The following FBXO11 variants were observed in gnomAD, a reference collection of about 807,000 sequenced individuals.
The protein encoded by FBXO11 is F-box only protein 11.
FBXO11 carries 13 observed loss-of-function variants against 117.0 expected under a neutral mutation model. That is an observed-to-expected ratio of 0.11 (90% CI 0.07 to 0.18). The LOEUF is 0.18. Among genes scored for constraint, FBXO11 ranks in the 10% least tolerant of loss-of-function variants. The probability of loss-of-function intolerance (pLI) is 1.00; values close to 1 mark genes in which losing one functional copy is unlikely to be tolerated. For synonymous variants in FBXO11, 490 were observed against 380.5 expected, an observed-to-expected ratio of 1.29 and a Z score of -3.35; for missense variants, 767 against 1,164.4, an observed-to-expected ratio of 0.66 and a Z score of 4.97.
rs1254089708 is a variant in FBXO11, at chr2:47,808,113, G to A, written c.*5C>T. ...ATGGCAGGACTTTTTCTTTAGGGAAGGAATTCAGTTGTGCTGCAATGTATT... is the reference window on the plus strand; with the variant it reads ...ATGGCAGGACTTTTTCTTTAGGGAAAGAATTCAGTTGTGCTGCAATGTATT... On this transcript the variant is annotated 3_prime_UTR_variant, in exon 23 of 23. Transcript: ENST00000403359. 2 of 1,597,576 alleles carry A rather than the reference G, an allele frequency of 1.3e-6. No homozygotes were observed. The highest frequency in any genetic ancestry group is 1.8e-5 in the Admixed American group (1 of 56,408).
chr2:47,905,440 T>C, intron 1 of FBXO11, 49 bp downstream of exon 1: 1 of 1,193,658 alleles, frequency 8.4e-7, no homozygotes, highest in Non-Finnish European at 1.0e-6. Flanking sequence ...CGGCCTCCCT[T>C]CCCGCGGTGC....
At chr2:47,821,644 G>C (rs1336565933) in intron 13 of FBXO11, among the ~76,000 whole-genome samples, 1 of 151,748 alleles carries the variant, frequency 6.6e-6, no homozygotes, top group Non-Finnish European at 1.5e-5. Flanking sequence ...ATTGAGCCGG[G>C]CATGGTAGCA....
intron 1 of FBXO11, among the ~76,000 whole-genome samples, chr2:47,863,476 T>TA (rs1281652487): frequency 6.6e-6 from 1 of 152,220 alleles, no homozygotes; most frequent in African/African-American, 2.4e-5. Context: ...GGCATTAGTT[T>TA]AATAAACTCT....
At chr2:47,872,176 A>C (rs910047612) in intron 1 of FBXO11, among the ~76,000 whole-genome samples, 1 of 152,248 alleles carries the variant, frequency 6.6e-6, no homozygotes, top group African/African-American at 2.4e-5. Context: ...GAGTTAAGGC[A>C]TAAAATGCTG....
intron 1 of FBXO11, among the ~76,000 whole-genome samples, chr2:47,866,596 C>CCCGAGTAGCTAGGATT (rs1267836536): frequency 1.2e-4 from 18 of 151,994 alleles, no homozygotes; most frequent in Middle Eastern, 6.8e-3. Flanking sequence ...GCCTCAGCCT[C>CCCGAGTAGCTAGGATT]CCGAGTAGCT....
chr2:47,885,454 A>C (rs1468463405), intron 1 of FBXO11, among the ~76,000 whole-genome samples: 1 of 152,144 alleles, frequency 6.6e-6, no homozygotes, highest in Non-Finnish European at 1.5e-5. Flanking sequence ...GTATGCCTGT[A>C]ATCCCAGCTA....
chr2:47,839,208 C>T (rs994852749), intron 3 of FBXO11, among the ~76,000 whole-genome samples: 1 of 151,726 alleles, frequency 6.6e-6, no homozygotes, highest in African/African-American at 2.4e-5. Flanking sequence ...TATGTGCCAT[C>T]TCAGAAATGG....
chr2:47,900,587 T>TATATACAC (rs1558486110), intron 1 of FBXO11, among the ~76,000 whole-genome samples: 1 of 144,346 alleles, frequency 6.9e-6, no homozygotes, highest in Non-Finnish European at 1.5e-5. Context: ...CACACATATA[T>TATATACAC]ACGTATATAC....
chr2:47,890,796 C>T (rs1269994170), intron 1 of FBXO11, among the ~76,000 whole-genome samples: 1 of 149,552 alleles, frequency 6.7e-6, no homozygotes, highest in Non-Finnish European at 1.5e-5. Flanking sequence ...AGAGCGAGAC[C>T]CTGTCTAAAA....
At chr2:47,852,369 C>T (rs2103660694) in intron 1 of FBXO11, among the ~76,000 whole-genome samples, 1 of 152,268 alleles carries the variant, frequency 6.6e-6, no homozygotes, top group East Asian at 1.9e-4. Flanking sequence ...GCATCATCAG[C>T]TCTTTACCAG....
At chr2:47,858,259 C>G (rs1320816755) in intron 1 of FBXO11, among the ~76,000 whole-genome samples, 1 of 152,036 alleles carries the variant, frequency 6.6e-6, no homozygotes, top group Non-Finnish European at 1.5e-5. Context: ...GTCCACCCAC[C>G]TCGGCCTCCC....
At chr2:47,865,088 T>C (rs1294825178) in intron 1 of FBXO11, among the ~76,000 whole-genome samples, 24 of 152,230 alleles carry the variant, frequency 1.6e-4, no homozygotes, top group Admixed American at 1.1e-3. Flanking sequence ...TAATTGTAGA[T>C]ATACATGAAC....
intron 1 of FBXO11, among the ~76,000 whole-genome samples, chr2:47,847,608 C>G (rs1358624845): frequency 6.6e-6 from 1 of 152,060 alleles, no homozygotes; most frequent in African/African-American, 2.4e-5. Context: ...ACTCAGGAGG[C>G]TAAGGCAGGA....
At chr2:47,858,206 C>T (rs887706573) in intron 1 of FBXO11, among the ~76,000 whole-genome samples, 3 of 151,748 alleles carry the variant, frequency 2.0e-5, no homozygotes, top group Non-Finnish European at 4.4e-5. Flanking sequence ...CCCAAGGTTT[C>T]GCCATGTTGG....
chr2:47,821,972 C>T (rs1671422881), intron 13 of FBXO11, among the ~76,000 whole-genome samples: 1 of 152,136 alleles, frequency 6.6e-6, no homozygotes, highest in Admixed American at 6.5e-5. Flanking sequence ...GTAGTTCTAG[C>T]TACCAGGGAG....
At chr2:47,893,825 C>G (rs1304279673) in intron 1 of FBXO11, among the ~76,000 whole-genome samples, 1 of 152,158 alleles carries the variant, frequency 6.6e-6, no homozygotes, top group Non-Finnish European at 1.5e-5. Context: ...GCAGCTCAGG[C>G]TCCTTATCCC....
chr2:47,903,817 T>C (rs954116123), intron 1 of FBXO11, among the ~76,000 whole-genome samples: 5 of 152,222 alleles, frequency 3.3e-5, no homozygotes, highest in African/African-American at 1.2e-4. Context: ...GTGGCAATTC[T>C]GGAAGAAGAA....
At chr2:47,883,659 CT>C in intron 1 of FBXO11, 1 of 280,840 alleles carries the variant, frequency 3.6e-6, no homozygotes, top group Non-Finnish European at 7.3e-6. Context: ...TACTCTTCAT[CT>C]TGTGTTGAGA....
At chr2:47,840,894 C>A (rs1238831124) in intron 1 of FBXO11, among the ~76,000 whole-genome samples, 2 of 150,512 alleles carry the variant, frequency 1.3e-5, no homozygotes, top group East Asian at 3.9e-4. Context: ...TAGTGGAAAC[C>A]AACCCATCAT....
Sources: gnomAD v4.1 joint callset for allele counts (sites outside exome capture counted in the v4.1 genomes callset) on GRCh38, gnomAD v4.1.1 for gene constraint, MANE v1.5 for transcripts, NCBI Gene and HGNC (gene_info 2026-07-23, HGNC 2026-07-21) for gene names.